The following MAP2 variants were observed in gnomAD, a reference collection of about 807,000 sequenced individuals.
MAP2 encodes microtubule associated protein 2, also known as microtubule-associated protein 2.
In MAP2, 14 loss-of-function variants were observed where a neutral mutation model predicts 137.6. The ratio of observed to expected loss-of-function variants is 0.10; its 90% CI spans 0.07 to 0.16. MAP2 has a LOEUF of 0.16. Ranked by LOEUF, MAP2 falls within the 10% of genes least tolerant of loss-of-function variation. The pLI is 1.00. For missense variants in MAP2, 2,088 were observed against 2,191.5 expected (o/e 0.95, Z 0.94); for synonymous variants, 786 against 782.3 (o/e 1.00, Z -0.08).
At chr2:209,471,048 A>T (rs1000339187) in intron 1 of MAP2, among the ~76,000 whole-genome samples, 3 of 152,122 alleles carry the variant, frequency 2.0e-5, no homozygotes, top group Non-Finnish European at 4.4e-5. Context: ...TACAAAGACA[A>T]ATCTTTCTAT....
chr2:209,639,506 G>A (rs1214225171), intron 4 of MAP2, among the ~76,000 whole-genome samples: 5 of 152,120 alleles, frequency 3.3e-5, no homozygotes, highest in African/African-American at 7.2e-5. Context: ...TCTGAGAAAT[G>A]TTTCTATCCT....
At chr2:209,487,703 G>A (rs2058558185) in intron 1 of MAP2, among the ~76,000 whole-genome samples, 1 of 152,126 alleles carries the variant, frequency 6.6e-6, no homozygotes, top group Non-Finnish European at 1.5e-5. Context: ...TAAGCTTAGG[G>A]GCTTTTGCAG....
intron 14 of MAP2, among the ~76,000 whole-genome samples, chr2:209,727,254 TCTC>T (rs1478135272): frequency 6.6e-6 from 1 of 152,200 alleles, no homozygotes; most frequent in Non-Finnish European, 1.5e-5. Context: ...TCTTTGAAAT[TCTC>T]CTGTCCACAG....
chr2:209,506,121 G>A (rs2061023824), intron 1 of MAP2, among the ~76,000 whole-genome samples: 1 of 151,776 alleles, frequency 6.6e-6, no homozygotes, highest in Non-Finnish European at 1.5e-5. Flanking sequence ...GTCATTAGTT[G>A]GAAGTCAAGA....
At chr2:209,635,178 G>T (rs1258790043) in intron 4 of MAP2, among the ~76,000 whole-genome samples, 1 of 152,058 alleles carries the variant, frequency 6.6e-6, no homozygotes, top group Non-Finnish European at 1.5e-5. Flanking sequence ...AAATGATAAT[G>T]ACTTCAAAAG....
chr2:209,700,378 T>A, intron 11 of MAP2, 40 bp downstream of exon 11: 1 of 1,460,064 alleles, frequency 6.8e-7, no homozygotes, highest in South Asian at 1.2e-5. Flanking sequence ...CATTTGAAGT[T>A]CCTTTGGTAT....
At chr2:209,575,164 G>T (rs187828849) in intron 2 of MAP2, among the ~76,000 whole-genome samples, 1 of 152,276 alleles carries the variant, frequency 6.6e-6, no homozygotes, top group East Asian at 1.9e-4. Context: ...TAGGAGACAA[G>T]TCTCTATTTA....
intron 2 of MAP2, among the ~76,000 whole-genome samples, chr2:209,537,828 C>A (rs1318208293): frequency 6.6e-6 from 1 of 152,134 alleles, no homozygotes. Context: ...TATCAAGAAG[C>A]AGCATTGCTA....
chr2:209,639,612 T>C (rs1269459598), intron 4 of MAP2, among the ~76,000 whole-genome samples: 2 of 152,144 alleles, frequency 1.3e-5, no homozygotes, highest in East Asian at 3.9e-4. Context: ...TCTCCATCTT[T>C]CATGGGCATC....
chr2:209,453,748 G>A (rs918417935), intron 1 of MAP2, among the ~76,000 whole-genome samples: 9 of 149,676 alleles, frequency 6.0e-5, no homozygotes, highest in African/African-American at 2.0e-4. Context: ...ACATAGATGG[G>A]GTGTCATGTC....
intron 1 of MAP2, among the ~76,000 whole-genome samples, chr2:209,451,011 G>T (rs1375939326): frequency 6.6e-6 from 1 of 151,748 alleles, no homozygotes; most frequent in Non-Finnish European, 1.5e-5. Flanking sequence ...TTTGAGTTTT[G>T]TTCCTTATTT....
At chr2:209,610,872 C>T (rs2086612676) in intron 3 of MAP2, among the ~76,000 whole-genome samples, 1 of 152,094 alleles carries the variant, frequency 6.6e-6, no homozygotes, top group African/African-American at 2.4e-5. Flanking sequence ...AGCCATTCCT[C>T]TCAGGCACTA....
chr2:209,704,717 C>T (rs2062857921), intron 11 of MAP2: 3 of 1,185,150 alleles, frequency 2.5e-6, no homozygotes, highest in Middle Eastern at 2.2e-4. Context: ...AAAGCAAATA[C>T]TTTACTCTGA....
At chr2:209,582,632 A>G (rs2076693240) in intron 3 of MAP2, among the ~76,000 whole-genome samples, 1 of 151,406 alleles carries the variant, frequency 6.6e-6, no homozygotes, top group African/African-American at 2.4e-5. Context: ...GCAACAAAGC[A>G]TTTAAGGATA....
chr2:209,680,830 A>G lies in MAP2; in HGVS notation c.454+3A>G. ...ACAGACTGTCACAGTGGAGGAAGGTAAGGCCTATTGGACTTTTCAGGGTTT... is the reference window on the plus strand; with the variant it reads ...ACAGACTGTCACAGTGGAGGAAGGTGAGGCCTATTGGACTTTTCAGGGTTT... On this transcript the variant is annotated splice_donor_region_variant and intron_variant, in intron 7 of 15. Transcript: ENST00000682079. The G allele has an allele frequency of 6.2e-7, 1 of 1,612,132 alleles. No homozygotes were observed. The highest frequency in any genetic ancestry group is 8.5e-7 in the Non-Finnish European group (1 of 1,178,408).
chr2:209,559,617 C>T (rs891800699), intron 2 of MAP2, among the ~76,000 whole-genome samples: 4 of 151,912 alleles, frequency 2.6e-5, no homozygotes, highest in Non-Finnish European at 4.4e-5. Context: ...TGCCACTGCA[C>T]TCCAGCCTGG....
intron 1 of MAP2, among the ~76,000 whole-genome samples, chr2:209,478,526 C>A (rs1159348770): frequency 6.6e-6 from 1 of 152,108 alleles, no homozygotes; most frequent in Admixed American, 6.6e-5. Flanking sequence ...TATAGAAGAA[C>A]GTGAAACAGG....
At chr2:209,577,788 A>T (rs568038080) in intron 2 of MAP2, among the ~76,000 whole-genome samples, 2 of 152,276 alleles carry the variant, frequency 1.3e-5, no homozygotes, top group East Asian at 3.9e-4. Context: ...GTATGTAATG[A>T]TGAAGTTCAG....
chr2:209,563,419 CT>C (rs1449981366), intron 2 of MAP2, among the ~76,000 whole-genome samples: 1 of 152,198 alleles, frequency 6.6e-6, no homozygotes, highest in African/African-American at 2.4e-5. Flanking sequence ...AAAAAATGCC[CT>C]GTCCTTAGTA....
Sources: gnomAD v4.1 joint callset for allele counts (sites outside exome capture counted in the v4.1 genomes callset) on GRCh38, gnomAD v4.1.1 for gene constraint, MANE v1.5 for transcripts, NCBI Gene and HGNC (gene_info 2026-07-23, HGNC 2026-07-21) for gene names.